The following GDPD2 variants were observed in gnomAD, a reference collection of about 807,000 sequenced individuals.
GDPD2 encodes the protein glycerophosphodiester phosphodiesterase domain containing 2, also known as glycerophosphodiester phosphodiesterase 3.
In GDPD2, 23 loss-of-function variants were observed where a neutral mutation model predicts 49.2. The ratio of observed to expected loss-of-function variants is 0.47; its 90% CI spans 0.34 to 0.66. GDPD2 has a LOEUF of 0.66. Among genes scored for constraint, GDPD2 ranks in the 30% least tolerant of loss-of-function variants. The pLI, the probability that GDPD2 is intolerant of heterozygous loss-of-function variation, is 0.01. For synonymous variants in GDPD2, 167 were observed against 171.4 expected (o/e 0.97, Z 0.20); for missense variants, 338 against 424.7 (o/e 0.80, Z 1.79).
intron 10 of GDPD2, 65 bp from the exon 11 acceptor site, chrX:70,429,428 T>G: frequency 1.5e-6 from 1 of 672,024 alleles, no homozygotes; most frequent in Non-Finnish European, 2.3e-6. Context: ...TGAGTGAAGA[T>G]AGTGAGGATG....
chrX:70,428,561 C>T (rs1237580312), intron 10 of GDPD2, among the ~76,000 whole-genome samples: 2 of 112,035 alleles, frequency 1.8e-5, no homozygotes, highest in Non-Finnish European at 3.8e-5. Context: ...CAATTTGCTT[C>T]TTTTCCATTT....
At position 70,425,842 on chromosome X, in the gene GDPD2, G is replaced by T. The variant is rs2086417966; in HGVS notation, c.289G>T (p.Ala97Ser). 2 of 1,165,905 alleles carry T rather than the reference G, an allele frequency of 1.7e-6. No individual in the cohort carries two copies. Among genetic ancestry groups the T allele is most frequent in the East Asian group, 5.9e-5 (2 of 33,691 alleles). Residue 97 changes from alanine to serine, a missense_variant, in exon 4 of 16, where the codon GCA becomes TCA. Ala to Ser is a moderately conservative substitution (Grantham distance 99). Around this residue, in one of 3 missense-constraint regions of GDPD2, gnomAD observed 10 missense variants for 26.7 expected, o/e 0.37. Transcript: ENST00000374382. ...LLVISLLVTY[A>S]SLLLVLALLL... is the part of the protein sequence containing the mutation. Reference sequence around the variant, plus strand: ...GGTCATCTCTCTACTGGTCACATATGCATCCTTGCTATTGGTGGGTCCGGA... The same window carrying T: ...GGTCATCTCTCTACTGGTCACATATTCATCCTTGCTATTGGTGGGTCCGGA...
Sources: allele counts gnomAD v4.1 joint callset (sites outside exome capture counted in the v4.1 genomes callset), GRCh38; gene constraint gnomAD v4.1.1; regional missense constraint gnomAD v4.1.1; transcripts MANE v1.5; gene names NCBI Gene and HGNC (gene_info 2026-07-23, HGNC 2026-07-21).